Variants in KIRREL3 observed in about 807,000 individuals in gnomAD.
The protein encoded by KIRREL3 is kirre like nephrin family adhesion molecule 3.
KIRREL3 carries 36 observed loss-of-function variants against 89.7 expected under a neutral mutation model. The observed-to-expected ratio is 0.40, with a 90% CI of 0.31 to 0.53. The LOEUF is 0.53. KIRREL3 is among the 20% of genes least tolerant of loss of function. The pLI is 0.49. For synonymous variants in KIRREL3, 445 were observed against 441.4 expected (o/e 1.01, Z -0.10); for missense variants, 864 against 1,056.6 (o/e 0.82, Z 2.53).
In KIRREL3 at chr11:126,923,217, T is replaced by TTC. The variant is rs1321083177; in HGVS notation, c.55+77236_55+77237dup. On this transcript the variant is annotated intron_variant, in intron 1 of 16. Coordinates refer to ENST00000525144, the MANE Select transcript of KIRREL3 (RefSeq NM_032531.4). ...CTTCTTCTTCTTCTTCTTCTTCTTC[T>TTC]TCTTCTTCTTCTTCTTCTTCTTCTT... Among the ~76,000 whole-genome samples, 14 of 23,966 alleles carry TTC rather than the reference T, an allele frequency of 5.8e-4. 2 individuals are homozygous for TTC. Among genetic ancestry groups the TTC allele is most frequent in the African/African-American group, 1.2e-3 (5 of 4,322 alleles). 15.7% of individuals were successfully genotyped at this position (23,966 alleles called of 152,430 possible). A position where few individuals can be genotyped will look rare whatever the true frequency, so the allele number is the denominator to read the frequency against.
At chr11:126,439,181 A>C (rs1030571202) in intron 11 of KIRREL3, among the ~76,000 whole-genome samples, 3 of 152,146 alleles carry the variant, frequency 2.0e-5, no homozygotes, top group Non-Finnish European at 4.4e-5. Flanking sequence ...ATACAAAAAA[A>C]TTAGCTGGGT....
chr11:126,889,288 T>C (rs1230423637), intron 1 of KIRREL3, among the ~76,000 whole-genome samples: 1 of 151,776 alleles, frequency 6.6e-6, no homozygotes, highest in Non-Finnish European at 1.5e-5. Flanking sequence ...CTAGTTTGCC[T>C]TTTTAAAAAA....
chr11:126,895,743 G>T (rs1946129144), intron 1 of KIRREL3, among the ~76,000 whole-genome samples: 3 of 152,122 alleles, frequency 2.0e-5, no homozygotes, highest in Admixed American at 2.0e-4. Context: ...GGAGCTGGTG[G>T]GGGTTGGAGC....
intron 1 of KIRREL3, among the ~76,000 whole-genome samples, chr11:126,857,447 T>C (rs1199988760): frequency 6.6e-6 from 1 of 152,194 alleles, no homozygotes; most frequent in Non-Finnish European, 1.5e-5. Context: ...TGTTACATCC[T>C]AGAGCTTCCC....
rs181777633 is a variant in KIRREL3, at chr11:126,847,130, C to A, written c.55+153325G>T. Reference sequence around the variant, plus strand: ...AATAGGGTTTAACAGTAATAGTATACCAACGGAAGGGTGAAATTTGGCTTT... The same window carrying A: ...AATAGGGTTTAACAGTAATAGTATAACAACGGAAGGGTGAAATTTGGCTTT... On this transcript the variant is annotated intron_variant, in intron 1 of 16. Transcript: ENST00000525144. 1.1e-4 allele frequency among the ~76,000 whole-genome samples: 17 copies of A among 152,198 alleles called. No individual in the cohort carries two copies. The East Asian group carries it at 2.3e-3, about 21-fold the overall frequency.
At position 126,773,209 on chromosome 11, in the gene KIRREL3, A is replaced by G. The variant is rs1390764323; in HGVS notation, c.56-210297T>C. Among the ~76,000 whole-genome samples the G allele has an allele frequency of 1.3e-5, 2 of 152,150 alleles. No homozygotes were observed. The highest frequency in any genetic ancestry group is 2.9e-5 in the Non-Finnish European group (2 of 68,028). On this transcript the variant is annotated intron_variant, in intron 1 of 16. Coordinates refer to ENST00000525144, the MANE Select transcript of KIRREL3 (RefSeq NM_032531.4). The surrounding 1 kb of genome is among the most constrained non-coding windows in gnomAD (Gnocchi z 4.2). ...ACATGGTGCCCAGATGTTTTGTCAAACATTCTGGATGTTTCTGTGAAGGTG... is the reference window on the plus strand; with the variant it reads ...ACATGGTGCCCAGATGTTTTGTCAAGCATTCTGGATGTTTCTGTGAAGGTG...
At position 126,498,828 on chromosome 11, in the gene KIRREL3, C is replaced by T. The variant is rs958553907; in HGVS notation, c.433+22487G>A. Among the ~76,000 whole-genome samples, 2 of 152,322 alleles carry T rather than the reference C, an allele frequency of 1.3e-5. No individual in the cohort carries two copies. Among genetic ancestry groups the T allele is most frequent in the East Asian group, 3.9e-4 (2 of 5,174 alleles). ...GGGCCCTCAGTAAATGCCAGTTCTT[C>T]ACAGGCTCAGGACCTCGACGCACGG... On this transcript the variant is annotated intron_variant, in intron 4 of 16. Coordinates refer to ENST00000525144, the MANE Select transcript of KIRREL3 (RefSeq NM_032531.4). This position sits in a 1 kb window ranked among gnomAD's most constrained non-coding sequence, Gnocchi z 4.3.
intron 1 of KIRREL3, among the ~76,000 whole-genome samples, chr11:126,661,980 G>C (rs1435499095): frequency 6.6e-6 from 1 of 152,140 alleles, no homozygotes; most frequent in Non-Finnish European, 1.5e-5. Context: ...AAAAGACTGT[G>C]GGAGTTGGGG....
chr11:126,447,199 G>T (rs558873789), intron 8 of KIRREL3, among the ~76,000 whole-genome samples: 8 of 152,182 alleles, frequency 5.3e-5, no homozygotes, highest in African/African-American at 1.9e-4. Context: ...TTACCCCCAC[G>T]GCTCTCATCC....
Position 126,535,439 on chromosome 11 carries a change from C to T in KIRREL3, c.134-8752G>A, listed in dbSNP as rs368486246. 1.3e-5 allele frequency among the ~76,000 whole-genome samples: 2 copies of T among 152,158 alleles called. No homozygotes were observed. The highest frequency in any genetic ancestry group is 2.9e-5 in the Non-Finnish European group (2 of 68,026). ...CTCTATGACTTGCACACCTGTGGCC[C>T]CATTCTGAGGTTGCCCCTCAATCCC... On this transcript the variant is annotated intron_variant, in intron 2 of 16. Coordinates refer to ENST00000525144, the MANE Select transcript of KIRREL3 (RefSeq NM_032531.4). This position sits in a 1 kb window ranked among gnomAD's most constrained non-coding sequence, Gnocchi z 4.5.
intron 1 of KIRREL3, among the ~76,000 whole-genome samples, chr11:126,746,304 A>G (rs1285728589): frequency 6.6e-6 from 1 of 152,228 alleles, no homozygotes; most frequent in Non-Finnish European, 1.5e-5. Flanking sequence ...ACTATGTAAA[A>G]CAAATACAAC....
Position 126,562,909 on chromosome 11 carries a change from A to C in KIRREL3, c.59T>G (p.Leu20Arg), listed in dbSNP as rs749500027. 6.2e-7 allele frequency: 1 copy of C among 1,613,462 alleles called. No homozygotes were observed. Among genetic ancestry groups the C allele is most frequent in the Admixed American group, 1.7e-5 (1 of 60,010 alleles). Residue 20 changes from leucine to arginine, a missense_variant, in exon 2 of 17, where the codon CTG becomes CGG. Coordinates refer to ENST00000525144, the MANE Select transcript of KIRREL3 (RefSeq NM_032531.4). This position sits in a 1 kb window ranked among gnomAD's most constrained non-coding sequence, Gnocchi z 4.7. ...FVCFFLFSQE[L>R]GLQKRGCCLV... is the part of the protein sequence containing the mutation. The stretch of plus-strand genomic sequence containing the variant: ...ACAGCATCCTCTCTTCTGGAGGCCC[A>C]GCTCTGGAAGAGAAGCATAGGTGGG...
chr11:126,489,838 C>T lies in KIRREL3; in HGVS notation c.434-16372G>A, dbSNP rs566246266. Among the ~76,000 whole-genome samples the T allele has an allele frequency of 3.9e-5, 6 of 152,206 alleles. No individual in the cohort carries two copies. The East Asian group carries it at 7.7e-4, about 20-fold the overall frequency. On this transcript the variant is annotated intron_variant, in intron 4 of 16. Coordinates refer to ENST00000525144, the MANE Select transcript of KIRREL3 (RefSeq NM_032531.4). The surrounding 1 kb of genome is among the most constrained non-coding windows in gnomAD (Gnocchi z 5.5). ...GCCATGGAAAGTGTGTTGTTCATGG[C>T]GGATCCTCTATCAAAAAACAGGATG...
intron 1 of KIRREL3, among the ~76,000 whole-genome samples, chr11:126,599,552 T>C (rs897451145): frequency 6.6e-6 from 1 of 152,140 alleles, no homozygotes. Context: ...GAGGCCCACA[T>C]AGAAAGTAGG....
Position 126,662,361 on chromosome 11 carries a change from T to A in KIRREL3, c.56-99449A>T, listed in dbSNP as rs916361871. The stretch of plus-strand genomic sequence containing the variant: ...GAGCACTAGAGGCTTATGAAAGCCA[T>A]GCACTGGTAATGTTAGTGTCTTAGT... On this transcript the variant is annotated intron_variant, in intron 1 of 16. Transcript: ENST00000525144. Among the ~76,000 whole-genome samples, 5 of 152,214 alleles carry A rather than the reference T, an allele frequency of 3.3e-5. No homozygotes were observed. In the South Asian group the frequency reaches 8.3e-4, roughly 25 times the overall value.
At chr11:126,875,063 C>T (rs1044129699) in intron 1 of KIRREL3, among the ~76,000 whole-genome samples, 3 of 152,108 alleles carry the variant, frequency 2.0e-5, no homozygotes, top group Non-Finnish European at 4.4e-5. Flanking sequence ...TGTCTGGGCC[C>T]CAATCCATTA....
rs369418908 is a variant in KIRREL3, at chr11:126,903,444, T to G, written c.55+97011A>C. Among the ~76,000 whole-genome samples the G allele has an allele frequency of 1.3e-4, 20 of 152,312 alleles. 2 individuals are homozygous for G. The highest frequency in any genetic ancestry group is 6.5e-4 in the Admixed American group (10 of 15,302). On this transcript the variant is annotated intron_variant, in intron 1 of 16. Transcript: ENST00000525144. The surrounding 1 kb of genome is among the most constrained non-coding windows in gnomAD (Gnocchi z 4.5). ...GATTAAAATTGAGGAATTGAATAAT[T>G]GAGGTTGCTAATGAATTTGAAAACT...
At chr11:127,002,869 A>G (rs941431447), upstream of KIRREL3, 1 of 152,220 alleles carries the variant, frequency 6.6e-6, no homozygotes, top group African/African-American at 2.4e-5. Flanking sequence ...GCAATACGCA[A>G]TAATCAGGCA....
chr11:126,980,011 A>G (rs1281140229), intron 1 of KIRREL3, among the ~76,000 whole-genome samples: 1 of 152,234 alleles, frequency 6.6e-6, no homozygotes, highest in Non-Finnish European at 1.5e-5. Context: ...AACAAGCTGG[A>G]CAGAACTGAA....
Sources: gnomAD v4.1 joint callset for allele counts (sites outside exome capture counted in the v4.1 genomes callset) on GRCh38, gnomAD v4.1.1 for gene constraint, Gnocchi (gnomAD v3.1) non-coding constraint, MANE v1.5 for transcripts, NCBI Gene and HGNC (gene_info 2026-07-23, HGNC 2026-07-21) for gene names.